Variants in BRINP3 observed in about 807,000 individuals in gnomAD.
BRINP3 encodes the protein BMP/retinoic acid inducible neural specific 3.
BRINP3 carries 19 observed loss-of-function variants against 71.0 expected under a neutral mutation model. The ratio of observed to expected loss-of-function variants is 0.27; its 90% CI spans 0.19 to 0.39. BRINP3 has a LOEUF of 0.39. Among genes scored for constraint, BRINP3 ranks in the 10% least tolerant of loss-of-function variants. The pLI is 1.00. For synonymous variants in BRINP3, 380 were observed against 337.7 expected (o/e 1.13, Z -1.37); for missense variants, 959 against 940.8 (o/e 1.02, Z -0.25).
intron 6 of BRINP3, among the ~76,000 whole-genome samples, chr1:190,162,890 C>T (rs1260957153): frequency 2.0e-5 from 3 of 152,064 alleles, no homozygotes; most frequent in Non-Finnish European, 4.4e-5. Context: ...TCACCACTGT[C>T]ACCCAAAACA....
chr1:190,343,222 A>T (rs1179078310), intron 2 of BRINP3, among the ~76,000 whole-genome samples: 1 of 151,928 alleles, frequency 6.6e-6, no homozygotes, highest in Non-Finnish European at 1.5e-5. Context: ...AAAAGTTGAC[A>T]GAAAAATAAA....
In BRINP3 at chr1:190,104,175, G is replaced by T. The variant is rs531874968; in HGVS notation, c.1185-5041C>A. On this transcript the variant is annotated intron_variant, in intron 7 of 7. Coordinates refer to ENST00000367462, the MANE Select transcript of BRINP3 (RefSeq NM_199051.3). Reference sequence around the variant, plus strand: ...GGGAAAACAGTCATTTATTGCCATAGCAGGACAACATCAAAGATACAATAA... The same window carrying T: ...GGGAAAACAGTCATTTATTGCCATATCAGGACAACATCAAAGATACAATAA... Among the ~76,000 whole-genome samples, 6 of 152,082 alleles carry T rather than the reference G, an allele frequency of 3.9e-5. No individual in the cohort carries two copies. The South Asian group carries it at 1.2e-3, about 32-fold the overall frequency.
chr1:190,115,300 A>G (rs1034507085), intron 7 of BRINP3, among the ~76,000 whole-genome samples: 25 of 152,270 alleles, frequency 1.6e-4, no homozygotes, highest in African/African-American at 5.8e-4. Flanking sequence ...AGCAAAGTAG[A>G]AACATCTGTA....
intron 1 of BRINP3, among the ~76,000 whole-genome samples, chr1:190,464,738 C>T (rs1676625836): frequency 6.6e-6 from 1 of 151,814 alleles, no homozygotes; most frequent in South Asian, 2.1e-4. Context: ...CTCAAAATAA[C>T]TGAGCTTCCT....
intron 7 of BRINP3, among the ~76,000 whole-genome samples, chr1:190,117,169 A>G (rs989949165): frequency 1.3e-5 from 2 of 152,064 alleles, no homozygotes; most frequent in African/African-American, 4.8e-5. Flanking sequence ...AATTAAGAAG[A>G]AGCATCTTGT....
In BRINP3 at chr1:190,269,170, C is replaced by T. The variant is rs143439555; in HGVS notation, c.428-4115G>A. On this transcript the variant is annotated intron_variant, in intron 3 of 7. Transcript: ENST00000367462. ...AAATAACAAGTACATGTGGAAACTT[C>T]GCATGTAATAAGAGTGGGATAGTAA... Among the ~76,000 whole-genome samples, 1,346 of 152,056 alleles carry T rather than the reference C, an allele frequency of 8.9e-3. 20 individuals carry two copies. The highest frequency in any genetic ancestry group is 0.031 in the African/African-American group (1,280 of 41,498).
chr1:190,393,554 T>C (rs1671386926), intron 2 of BRINP3, among the ~76,000 whole-genome samples: 1 of 151,664 alleles, frequency 6.6e-6, no homozygotes, highest in Non-Finnish European at 1.5e-5. Context: ...GCAGATTTTT[T>C]ATATGCATTT....
At chr1:190,419,084 T>C (rs1028679845) in intron 2 of BRINP3, among the ~76,000 whole-genome samples, 5 of 152,114 alleles carry the variant, frequency 3.3e-5, no homozygotes, top group Non-Finnish European at 5.9e-5. Flanking sequence ...TTAACTTGTC[T>C]AACAAAGCAA....
intron 2 of BRINP3, among the ~76,000 whole-genome samples, chr1:190,369,005 C>T (rs764888107): frequency 2.6e-5 from 4 of 152,134 alleles, no homozygotes; most frequent in Non-Finnish European, 5.9e-5. Context: ...TGAGAAATAG[C>T]AGCCCAGCCC....
intron 2 of BRINP3, among the ~76,000 whole-genome samples, chr1:190,350,071 G>A (rs753627104): frequency 6.6e-6 from 1 of 152,052 alleles, no homozygotes; most frequent in Non-Finnish European, 1.5e-5. Context: ...TAGAAAACCA[G>A]GAGGCTTCCA....
At chr1:190,446,774 C>G (rs1387929427) in intron 2 of BRINP3, among the ~76,000 whole-genome samples, 1 of 151,920 alleles carries the variant, frequency 6.6e-6, no homozygotes, top group Non-Finnish European at 1.5e-5. Flanking sequence ...TGAGTGAATA[C>G]AGTTGGTTTT....
In BRINP3 at chr1:190,434,936, T is replaced by C. The variant is rs557379960; in HGVS notation, c.236+19719A>G. Among the ~76,000 whole-genome samples the C allele has an allele frequency of 7.9e-5, 12 of 152,304 alleles. No homozygotes were observed. In the East Asian group the frequency reaches 2.1e-3, roughly 27 times the overall value. ...AAATCTTCTGTTTAATCTGCCTAGA[T>C]AGCAGAGATTTGGTGACTTAACAGT... On this transcript the variant is annotated intron_variant, in intron 2 of 7. Transcript: ENST00000367462.
Position 190,398,210 on chromosome 1 carries a change from A to C in BRINP3, c.236+56445T>G, listed in dbSNP as rs113651275. On this transcript the variant is annotated intron_variant, in intron 2 of 7. Transcript: ENST00000367462. Reference sequence around the variant, plus strand: ...CATGAACATTAGTTCATGTTTCTTGAGTAAAAAGGAGTTGTACAATTTGCT... The same window carrying C: ...CATGAACATTAGTTCATGTTTCTTGCGTAAAAAGGAGTTGTACAATTTGCT... 5.2e-3 allele frequency among the ~76,000 whole-genome samples: 787 copies of C among 152,044 alleles called. 7 individuals carry two copies. Among genetic ancestry groups the C allele is most frequent in the African/African-American group, 0.018 (736 of 41,526 alleles).
chr1:190,104,562 A>G (rs1412181619), intron 7 of BRINP3, among the ~76,000 whole-genome samples: 3 of 152,060 alleles, frequency 2.0e-5, no homozygotes, highest in African/African-American at 7.2e-5. Context: ...GCACTCACGC[A>G]TAGTATTACA....
chr1:190,156,108 T>G (rs1374260532), intron 7 of BRINP3, among the ~76,000 whole-genome samples: 1 of 152,022 alleles, frequency 6.6e-6, no homozygotes, highest in Non-Finnish European at 1.5e-5. Context: ...GTAAGAAAAA[T>G]GATTTTTATG....
chr1:190,403,616 A>C (rs1018333167), intron 2 of BRINP3, among the ~76,000 whole-genome samples: 4 of 152,238 alleles, frequency 2.6e-5, no homozygotes, highest in African/African-American at 7.2e-5. Flanking sequence ...TAATGATCGC[A>C]TGAGGAATGA....
intron 2 of BRINP3, among the ~76,000 whole-genome samples, chr1:190,433,906 T>G (rs1209527832): frequency 2.0e-5 from 3 of 152,164 alleles, no homozygotes; most frequent in Non-Finnish European, 4.4e-5. Flanking sequence ...CTTGAGCATT[T>G]CTAGTCTGCT....
chr1:190,471,325 C>G (rs908047656), intron 1 of BRINP3, among the ~76,000 whole-genome samples: 1 of 151,028 alleles, frequency 6.6e-6, no homozygotes, highest in Non-Finnish European at 1.5e-5. Flanking sequence ...TAGAATATTT[C>G]CTAAAATAGA....
chr1:190,268,929 T>C (rs548974986), intron 3 of BRINP3, among the ~76,000 whole-genome samples: 7 of 152,236 alleles, frequency 4.6e-5, no homozygotes, highest in Non-Finnish European at 1.0e-4. Context: ...CATCAAAATA[T>C]ATCAGTTTAT....
Sources: allele counts gnomAD v4.1 joint callset (sites outside exome capture counted in the v4.1 genomes callset), GRCh38; gene constraint gnomAD v4.1.1; transcripts MANE v1.5; gene names NCBI Gene and HGNC (gene_info 2026-07-23, HGNC 2026-07-21).